Variants in NRXN3 observed in about 807,000 individuals in gnomAD.
The protein encoded by NRXN3 is neurexin III.
In NRXN3, 32 loss-of-function variants were observed where a neutral mutation model predicts 137.6. That is an observed-to-expected ratio of 0.23 (90% CI 0.18 to 0.31). The LOEUF is 0.31. NRXN3 is among the 10% of genes least tolerant of loss of function. The pLI is 1.00. For missense variants in NRXN3, 1,574 were observed against 2,062.5 expected (o/e 0.76, Z 4.59); for synonymous variants, 798 against 784.5 (o/e 1.02, Z -0.29).
intron 16 of NRXN3, among the ~76,000 whole-genome samples, chr14:79,500,862 G>A (rs754253744): frequency 2.6e-5 from 4 of 152,168 alleles, no homozygotes; most frequent in African/African-American, 4.8e-5. Flanking sequence ...ATGACCTTAG[G>A]TAAAGCCATT....
At chr14:78,683,648 G>A (rs938612984) in intron 6 of NRXN3, among the ~76,000 whole-genome samples, 3 of 152,196 alleles carry the variant, frequency 2.0e-5, no homozygotes, top group Non-Finnish European at 4.4e-5. Context: ...CTGTATTAGT[G>A]ACAGTGAGTG....
chr14:79,071,184 G>C (rs569320666), intron 15 of NRXN3, among the ~76,000 whole-genome samples: 1 of 151,514 alleles, frequency 6.6e-6, no homozygotes, highest in Non-Finnish European at 1.5e-5. Context: ...ATAACACAGA[G>C]CTTGATTGTT....
chr14:79,227,149 A>T (rs1327986428), intron 15 of NRXN3, among the ~76,000 whole-genome samples: 2 of 151,926 alleles, frequency 1.3e-5, no homozygotes, highest in African/African-American at 4.8e-5. Context: ...AAATATATAT[A>T]TATGTAATTT....
chr14:78,701,480 G>C (rs1172490006), intron 6 of NRXN3, among the ~76,000 whole-genome samples: 1 of 152,166 alleles, frequency 6.6e-6, no homozygotes, highest in Non-Finnish European at 1.5e-5. Context: ...TGCATGCCTA[G>C]ATAACTGAAT....
chr14:78,801,095 G>C (rs1288094089), intron 8 of NRXN3, among the ~76,000 whole-genome samples: 1 of 152,198 alleles, frequency 6.6e-6, no homozygotes, highest in Non-Finnish European at 1.5e-5. Context: ...GCCAAGGAGG[G>C]CGGATCAAGA....
At chr14:79,810,609 C>G (rs1240850586) in intron 20 of NRXN3, among the ~76,000 whole-genome samples, 2 of 152,074 alleles carry the variant, frequency 1.3e-5, no homozygotes, top group Non-Finnish European at 2.9e-5. Context: ...TTTGTTAGCC[C>G]TACTATAATA....
intron 15 of NRXN3, among the ~76,000 whole-genome samples, chr14:79,156,552 A>AC (rs1555799948): frequency 6.6e-6 from 1 of 150,740 alleles, no homozygotes; most frequent in Non-Finnish European, 1.5e-5. Context: ...ACCATTCTGG[A>AC]TTTTTTTTTC....
intron 1 of NRXN3, among the ~76,000 whole-genome samples, chr14:78,229,775 T>C (rs1474345754): frequency 6.6e-6 from 1 of 152,208 alleles, no homozygotes; most frequent in Non-Finnish European, 1.5e-5. Flanking sequence ...GTGTCTTTTC[T>C]TTGCCACTGT....
Position 79,639,303 on chromosome 14 carries a change from T to G in NRXN3, c.3445-24475T>G, listed in dbSNP as rs527703067. On this transcript the variant is annotated intron_variant, in intron 16 of 20. Coordinates refer to ENST00000335750, the MANE Select transcript of NRXN3 (RefSeq NM_001330195.2). ...CACCGGGCTTTGCTCTACAGATATT[T>G]TATCACCTGTGTATGTAAGCCTTGT... 1.5e-4 allele frequency among the ~76,000 whole-genome samples: 23 copies of G among 152,310 alleles called. No homozygotes were observed. The South Asian group carries it at 3.5e-3, about 23-fold the overall frequency.
chr14:78,486,796 G>A (rs984148798), intron 4 of NRXN3, among the ~76,000 whole-genome samples: 5 of 152,132 alleles, frequency 3.3e-5, no homozygotes, highest in African/African-American at 9.7e-5. Flanking sequence ...GTTATCACTG[G>A]CATTAATGAT....
At chr14:79,260,284 ACT>A (rs781670071) in intron 15 of NRXN3, among the ~76,000 whole-genome samples, 84 of 152,262 alleles carry the variant, frequency 5.5e-4, no homozygotes, top group Admixed American at 2.4e-3. Context: ...ATTTTATAAG[ACT>A]CTAGCTAAAA....
intron 6 of NRXN3, among the ~76,000 whole-genome samples, chr14:78,687,831 G>A (rs913457227): frequency 2.6e-5 from 4 of 152,166 alleles, no homozygotes; most frequent in African/African-American, 9.7e-5. Context: ...GTAATCATAT[G>A]GCTCCATCCT....
At chr14:79,123,733 A>C (rs1417168820) in intron 15 of NRXN3, among the ~76,000 whole-genome samples, 2 of 152,178 alleles carry the variant, frequency 1.3e-5, no homozygotes, top group Non-Finnish European at 2.9e-5. Context: ...GGAGGCTGGG[A>C]TATAAGTCAG....
chr14:78,635,422 A>G (rs1372501514), intron 4 of NRXN3, among the ~76,000 whole-genome samples: 1 of 152,180 alleles, frequency 6.6e-6, no homozygotes, highest in Non-Finnish European at 1.5e-5. Flanking sequence ...TGAGTATCTA[A>G]TTTTGGTAGC....
intron 4 of NRXN3, among the ~76,000 whole-genome samples, chr14:78,492,345 T>C (rs1053844669): frequency 6.6e-6 from 1 of 152,118 alleles, no homozygotes; most frequent in Non-Finnish European, 1.5e-5. Flanking sequence ...ATAATTACCG[T>C]CAATTAACAT....
chr14:79,376,132 T>C (rs1405492941), intron 15 of NRXN3, among the ~76,000 whole-genome samples: 3 of 146,560 alleles, frequency 2.0e-5, no homozygotes, highest in Admixed American at 6.9e-5. Context: ...ATATATGTAT[T>C]ATATATGGTA....
chr14:79,859,296 T>C (rs2099409495), intron 20 of NRXN3, among the ~76,000 whole-genome samples: 1 of 152,186 alleles, frequency 6.6e-6, no homozygotes, highest in African/African-American at 2.4e-5. Flanking sequence ...AACACAATTG[T>C]TATTGGCTAA....
At chr14:78,903,973 C>T (rs577131264) in intron 10 of NRXN3, among the ~76,000 whole-genome samples, 8 of 152,190 alleles carry the variant, frequency 5.3e-5, no homozygotes, top group South Asian at 4.1e-4. Context: ...TTCACATTTA[C>T]GGCACACTCC....
At chr14:79,431,011 T>TA (rs2095744175) in intron 15 of NRXN3, among the ~76,000 whole-genome samples, 1 of 152,186 alleles carries the variant, frequency 6.6e-6, no homozygotes, top group South Asian at 2.1e-4. Flanking sequence ...ACACAGAAAT[T>TA]ACCATCCTCT....
Sources: gnomAD v4.1 joint callset for allele counts (sites outside exome capture counted in the v4.1 genomes callset) on GRCh38, gnomAD v4.1.1 for gene constraint, MANE v1.5 for transcripts, NCBI Gene and HGNC (gene_info 2026-07-23, HGNC 2026-07-21) for gene names.